Variants in PTCHD4 observed in about 807,000 individuals in gnomAD.
PTCHD4 encodes patched domain containing 4.
A neutral mutation model predicts 58.1 loss-of-function variants in PTCHD4; 33 were observed. The ratio of observed to expected loss-of-function variants is 0.57; its 90% CI spans 0.43 to 0.76. The LOEUF is 0.76. Ranked by LOEUF, PTCHD4 falls within the 30% of genes least tolerant of loss-of-function variation. The pLI, the probability that PTCHD4 is intolerant of heterozygous loss-of-function variation, is 0.00. For missense variants in PTCHD4, 1,058 were observed against 1,027.1 expected (o/e 1.03, Z -0.41); for synonymous variants, 478 against 409.6 (o/e 1.17, Z -2.02).
rs528508066 is a variant in PTCHD4 at position 47,988,962 on chromosome 6, G to A, written c.898+19672C>T. Reference sequence around the variant, plus strand: ...TTTGGAGGGTTCAAAAGAAGATAGGGAAATGTGGGAAAGTTTGGAACTTCC... The same window carrying A: ...TTTGGAGGGTTCAAAAGAAGATAGGAAAATGTGGGAAAGTTTGGAACTTCC... On this transcript the variant is annotated intron_variant, in intron 4 of 4. Coordinates refer to ENST00000339488, the MANE Select transcript of PTCHD4 (RefSeq NM_001384253.1). 9.2e-5 allele frequency among the ~76,000 whole-genome samples: 14 copies of A among 152,306 alleles called. 1 individual carries two copies. In the South Asian group the frequency reaches 2.5e-3, roughly 27 times the overall value.
chr6:47,893,253 TC>T (rs1764434530), intron 4 of PTCHD4, among the ~76,000 whole-genome samples: 2 of 152,096 alleles, frequency 1.3e-5, no homozygotes, highest in Non-Finnish European at 2.9e-5. Flanking sequence ...TCATGATCTG[TC>T]CACCTCAGCC....
chr6:47,897,369 C>T (rs1764556474), intron 4 of PTCHD4, among the ~76,000 whole-genome samples: 1 of 152,174 alleles, frequency 6.6e-6, no homozygotes, highest in South Asian at 2.1e-4. Flanking sequence ...TAAGAAGCGC[C>T]AAGGCTTGCT....
At chr6:47,992,021 A>G (rs142736256) in intron 4 of PTCHD4, among the ~76,000 whole-genome samples, 6 of 152,232 alleles carry the variant, frequency 3.9e-5, no homozygotes, top group African/African-American at 7.2e-5. Context: ...CTCCACTAAG[A>G]GATAAAAAAT....
rs188012052 is a variant in PTCHD4, at chr6:47,949,541, G to T, written c.898+59093C>A. Among the ~76,000 whole-genome samples, 73 of 152,300 alleles carry T rather than the reference G, an allele frequency of 4.8e-4. 2 individuals carry two copies. Among genetic ancestry groups the T allele is most frequent in the Admixed American group, 4.8e-3 (73 of 15,294 alleles). On this transcript the variant is annotated intron_variant, in intron 4 of 4. Coordinates refer to ENST00000339488, the MANE Select transcript of PTCHD4 (RefSeq NM_001384253.1). ...GGAAATCTGCAGTAGGGAGAAGGCA[G>T]TTGGGAATTTATTGTATTGATTATC...
chr6:47,914,504 T>C (rs1016657357), intron 4 of PTCHD4, among the ~76,000 whole-genome samples: 1 of 152,048 alleles, frequency 6.6e-6, no homozygotes, highest in Non-Finnish European at 1.5e-5. Flanking sequence ...ATACTTGGAC[T>C]TGAACTTACA....
chr6:47,930,300 A>G (rs994298820), intron 4 of PTCHD4, among the ~76,000 whole-genome samples: 3 of 152,198 alleles, frequency 2.0e-5, no homozygotes, highest in African/African-American at 7.2e-5. Flanking sequence ...CATTCTAAAT[A>G]TATTCAGGTA....
At chr6:48,090,201 T>C (rs912894792) in intron 1 of PTCHD4, among the ~76,000 whole-genome samples, 3 of 152,164 alleles carry the variant, frequency 2.0e-5, no homozygotes, top group Non-Finnish European at 2.9e-5. Context: ...TTATGAAAAA[T>C]ATTAAGTAAA....
intron 4 of PTCHD4, among the ~76,000 whole-genome samples, chr6:47,925,530 CAA>C (rs1765582405): frequency 6.6e-6 from 1 of 152,198 alleles, no homozygotes; most frequent in Non-Finnish European, 1.5e-5. Flanking sequence ...GCCATCAAAG[CAA>C]AGAGTTCCCA....
chr6:47,963,297 T>C (rs1255223528), intron 4 of PTCHD4, among the ~76,000 whole-genome samples: 2 of 152,058 alleles, frequency 1.3e-5, no homozygotes, highest in Non-Finnish European at 2.9e-5. Context: ...ACCTCACATC[T>C]GTTAGGATGC....
chr6:48,025,833 T>C lies in PTCHD4; in HGVS notation c.418-16719A>G, dbSNP rs192510274. Among the ~76,000 whole-genome samples, 12 of 152,228 alleles carry C rather than the reference T, an allele frequency of 7.9e-5. No individual in the cohort carries two copies. In the East Asian group the frequency reaches 1.9e-3, roughly 25 times the overall value. ...GGAGCTGGCAGTTGCCTGGACCTCATTGGAGCTGTTTGCAAGAAAATACTG... is the reference window on the plus strand; with the variant it reads ...GGAGCTGGCAGTTGCCTGGACCTCACTGGAGCTGTTTGCAAGAAAATACTG... On this transcript the variant is annotated intron_variant, in intron 3 of 4. Coordinates refer to ENST00000339488, the MANE Select transcript of PTCHD4 (RefSeq NM_001384253.1).
intron 4 of PTCHD4, among the ~76,000 whole-genome samples, chr6:47,956,340 A>C (rs918502224): frequency 6.6e-6 from 1 of 152,252 alleles, no homozygotes; most frequent in African/African-American, 2.4e-5. Flanking sequence ...AGGTAATACT[A>C]TACGGATGAA....
At chr6:47,885,285 T>C (rs781684670) in intron 4 of PTCHD4, among the ~76,000 whole-genome samples, 16 of 152,090 alleles carry the variant, frequency 1.1e-4, no homozygotes, top group Non-Finnish European at 2.4e-4. Context: ...TGTGTGTGTA[T>C]TGAGTACTCC....
rs1055697288 is a variant in PTCHD4 at position 47,859,559 on chromosome 6, C to T, written c.*18744G>A. Among the ~76,000 whole-genome samples, 1 of 151,926 alleles carries T rather than the reference C, an allele frequency of 6.6e-6. No individual in the cohort carries two copies. Among genetic ancestry groups the T allele is most frequent in the Non-Finnish European group, 1.5e-5 (1 of 67,956 alleles). ...CCTCCCTCCCTCCTTTCCTTCCTTCCTTTGTCAAATATTTATTGAATGCCT... is the reference window on the plus strand; with the variant it reads ...CCTCCCTCCCTCCTTTCCTTCCTTCTTTTGTCAAATATTTATTGAATGCCT... On this transcript the variant is annotated 3_prime_UTR_variant, in exon 5 of 5. Coordinates refer to ENST00000339488, the MANE Select transcript of PTCHD4 (RefSeq NM_001384253.1).
At chr6:48,092,973 C>A (rs767430428) in intron 1 of PTCHD4, among the ~76,000 whole-genome samples, 21 of 152,124 alleles carry the variant, frequency 1.4e-4, no homozygotes, top group Non-Finnish European at 2.4e-4. Flanking sequence ...CTGTGGAATT[C>A]TTTTTATTCT....
chr6:47,881,907 T>C (rs887259171), intron 4 of PTCHD4, among the ~76,000 whole-genome samples: 1 of 152,142 alleles, frequency 6.6e-6, no homozygotes, highest in Non-Finnish European at 1.5e-5. Flanking sequence ...GAAAGGTTCG[T>C]GTAAACTGCA....
intron 3 of PTCHD4, among the ~76,000 whole-genome samples, chr6:48,049,790 C>G (rs1360468078): frequency 6.6e-6 from 1 of 151,902 alleles, no homozygotes; most frequent in Non-Finnish European, 1.5e-5. Flanking sequence ...TGGTAACACA[C>G]AATCTATTAC....
intron 4 of PTCHD4, among the ~76,000 whole-genome samples, chr6:47,956,000 A>G (rs1766843378): frequency 1.3e-5 from 2 of 152,206 alleles, no homozygotes; most frequent in South Asian, 2.1e-4. Flanking sequence ...TATTAGTTTC[A>G]TTATATAGTG....
At chr6:48,060,389 C>T (rs1764578421) in intron 3 of PTCHD4, among the ~76,000 whole-genome samples, 1 of 152,244 alleles carries the variant, frequency 6.6e-6, no homozygotes, top group African/African-American at 2.4e-5. Context: ...AATACCTGAT[C>T]TTCTTTCATA....
intron 4 of PTCHD4, among the ~76,000 whole-genome samples, chr6:47,906,831 C>T (rs1764902703): frequency 6.6e-6 from 1 of 152,108 alleles, no homozygotes; most frequent in Non-Finnish European, 1.5e-5. Context: ...ACTAACTTTA[C>T]AGTAGTGAGA....
Sources: gnomAD v4.1 joint callset for allele counts (sites outside exome capture counted in the v4.1 genomes callset) on GRCh38, gnomAD v4.1.1 for gene constraint, MANE v1.5 for transcripts, NCBI Gene and HGNC (gene_info 2026-07-23, HGNC 2026-07-21) for gene names.